UGT1A10: variants seen among roughly 807,000 people sequenced by gnomAD.
The protein encoded by UGT1A10 is UDP-glucuronosyltransferase 1A10.
In UGT1A10, 49 loss-of-function variants were observed where a neutral mutation model predicts 45.8. That is an observed-to-expected ratio of 1.07 (90% CI 0.85 to 1.36). The LOEUF is 1.36. UGT1A10 is among the 40% of genes most tolerant of loss of function. The pLI is 0.00. For synonymous variants in UGT1A10, 284 were observed against 249.7 expected, an observed-to-expected ratio of 1.14 and a Z score of -1.29; for missense variants, 745 against 668.6, an observed-to-expected ratio of 1.11 and a Z score of -1.26.
At chr2:233,762,823 A>T (rs1219998858) in intron 1 of UGT1A10, among the ~76,000 whole-genome samples, 1 of 151,946 alleles carries the variant, frequency 6.6e-6, no homozygotes, top group East Asian at 1.9e-4. Context: ...ATTGATTTTC[A>T]TAATAAAAAA....
intron 1 of UGT1A10, among the ~76,000 whole-genome samples, chr2:233,727,195 C>T (rs2077591611): frequency 6.6e-6 from 1 of 152,150 alleles, no homozygotes; most frequent in Non-Finnish European, 1.5e-5. Flanking sequence ...GCTGGGGTGA[C>T]CTCACTGACA....
intron 1 of UGT1A10, among the ~76,000 whole-genome samples, chr2:233,715,951 T>C (rs189079466): frequency 1.1e-3 from 172 of 152,286 alleles, no homozygotes; most frequent in African/African-American, 4.0e-3. Flanking sequence ...GTTTGTTGAC[T>C]GACTGACTGA....
chr2:233,713,210 C>T, intron 1 of UGT1A10: 1 of 1,614,238 alleles, frequency 6.2e-7, no homozygotes, highest in East Asian at 2.2e-5. Flanking sequence ...AAGAAGAGAA[C>T]TTTTTCACCC....
At chr2:233,639,058 T>G (rs1389871221) in intron 1 of UGT1A10, among the ~76,000 whole-genome samples, 1 of 152,182 alleles carries the variant, frequency 6.6e-6, no homozygotes, top group Admixed American at 6.5e-5. Context: ...CACGCTGAGT[T>G]TATTGTGGCT....
At chr2:233,747,772 G>T in intron 1 of UGT1A10, 1 of 1,613,482 alleles carries the variant, frequency 6.2e-7, no homozygotes, top group Non-Finnish European at 8.5e-7. Flanking sequence ...GGCACACAGT[G>T]TCCAAATCCT....
chr2:233,713,186 G>A (rs760031954), intron 1 of UGT1A10: 1 of 1,614,224 alleles, frequency 6.2e-7, no homozygotes, highest in South Asian at 1.1e-5. Context: ...CCCTGGAGGT[G>A]AATATGTACA....
intron 1 of UGT1A10, among the ~76,000 whole-genome samples, chr2:233,717,100 T>TAAATAAAACACCACTACATGG: frequency 6.6e-6 from 1 of 152,062 alleles, no homozygotes. Flanking sequence ...CATCACTATC[T>TAAATAAAACACCACTACATGG]AAATAAAACA....
At chr2:233,644,121 G>T (rs2073536244) in intron 1 of UGT1A10, among the ~76,000 whole-genome samples, 1 of 152,262 alleles carries the variant, frequency 6.6e-6, no homozygotes, top group African/African-American at 2.4e-5. Context: ...TACAGCCCTA[G>T]AACTCACCTA....
chr2:233,693,127 T>G (rs779383196), intron 1 of UGT1A10: 1 of 1,614,216 alleles, frequency 6.2e-7, no homozygotes, highest in African/African-American at 1.3e-5. Flanking sequence ...ACTGGCTTAG[T>G]ATGAAGGATA....
chr2:233,772,520 A>C lies in UGT1A10; in HGVS notation c.1554A>C (p.Lys518Asn). The change falls in exon 5 of 5, where the codon AAA (lysine) becomes AAC (asparagine). Residue 518 changes from lysine (K) to asparagine (N), a missense_variant. Coordinates refer to ENST00000344644, the MANE Select transcript of UGT1A10 (RefSeq NM_019075.4). ...AYGYRKCLGK[K>N]GRVKKAHKSK... is the part of the protein sequence containing the mutation. ...GCTACCGGAAATGCTTGGGGAAAAA[A>C]GGGCGAGTTAAGAAAGCCCACAAAT... 1.2e-6 allele frequency: 2 copies of C among 1,614,206 alleles called. No individual in the cohort carries two copies. Among genetic ancestry groups the C allele is most frequent in the Non-Finnish European group, 1.7e-6 (2 of 1,180,032 alleles).
chr2:233,650,770 T>C (rs2125475906), intron 1 of UGT1A10, among the ~76,000 whole-genome samples: 1 of 152,342 alleles, frequency 6.6e-6, no homozygotes, highest in East Asian at 1.9e-4. Flanking sequence ...TGCCTCAAAC[T>C]AGATCCTATT....
Position 233,772,785 on chromosome 2 carries a change from G to C in UGT1A10, c.*226G>C, listed in dbSNP as rs2126067599. ...GTGCCCCCTCTGGTGTCTTTGATCA[G>C]GATGACATGTGCCATTTTTCAGAGG... is the stretch of plus-strand genomic sequence containing the variant. On this transcript the variant is annotated 3_prime_UTR_variant, in exon 5 of 5. Transcript: ENST00000344644. 1 of 1,262,930 alleles carries C rather than the reference G, an allele frequency of 7.9e-7. No homozygotes were observed. The highest frequency in any genetic ancestry group is 1.0e-6 in the Non-Finnish European group (1 of 955,160). 78.2% of individuals were successfully genotyped at this position (1,262,930 alleles called of 1,614,324 possible).
At chr2:233,645,405 A>C (rs894447880) in intron 1 of UGT1A10, among the ~76,000 whole-genome samples, 4 of 152,242 alleles carry the variant, frequency 2.6e-5, no homozygotes, top group African/African-American at 9.6e-5. Flanking sequence ...CCCTCCCAAC[A>C]GTCCCGCAAA....
chr2:233,697,612 GT>G (rs1286954926), intron 1 of UGT1A10, among the ~76,000 whole-genome samples: 1 of 149,670 alleles, frequency 6.7e-6, no homozygotes, highest in Non-Finnish European at 1.5e-5. Flanking sequence ...CTTCTACAAA[GT>G]TTGAGTTTGG....
chr2:233,643,108 G>A (rs138858511), intron 1 of UGT1A10, among the ~76,000 whole-genome samples: 201 of 152,340 alleles, frequency 1.3e-3, no homozygotes, highest in South Asian at 8.9e-3. Context: ...AGGTGATACA[G>A]CCAGCCAGAC....
intron 4 of UGT1A10, chr2:233,770,370 C>T (rs1700066139): frequency 6.6e-6 from 1 of 152,126 alleles, no homozygotes; most frequent in African/African-American, 2.4e-5. Flanking sequence ...AATGAAAGTT[C>T]TGGCCAGGTA....
chr2:233,718,825 C>T (rs771343471), intron 1 of UGT1A10: 9 of 1,613,344 alleles, frequency 5.6e-6, no homozygotes, highest in African/African-American at 5.3e-5. Context: ...GCTGAGATGG[C>T]CAGAGGACTC....
rs2074581601 is a variant in UGT1A10 at position 233,682,487 on chromosome 2, C to T, written c.855+45110C>T. On this transcript the variant is annotated intron_variant, in intron 1 of 4. Transcript: ENST00000344644. ...CTATCTTGAAGAAGGTGCACAGTGC[C>T]CTGCTCCTCTTTCCTATGTCCCCAG... 3.1e-6 allele frequency: 5 copies of T among 1,613,782 alleles called. No homozygotes were observed. In the South Asian group the frequency reaches 4.4e-5, roughly 14 times the overall value.
intron 1 of UGT1A10, chr2:233,690,562 G>A (rs1458201695): frequency 7.8e-7 from 1 of 1,289,358 alleles, no homozygotes; most frequent in Non-Finnish European, 1.0e-6. Flanking sequence ...CCAAGCCTGA[G>A]TCATTCAGCC....
Sources: gnomAD v4.1 joint callset for allele counts (sites outside exome capture counted in the v4.1 genomes callset) on GRCh38, gnomAD v4.1.1 for gene constraint, MANE v1.5 for transcripts, NCBI Gene and HGNC (gene_info 2026-07-23, HGNC 2026-07-21) for gene names.